Variants in RARB observed in about 807,000 individuals in gnomAD.
RARB encodes the protein HBV-activated protein.
Under a neutral mutation model 51.9 loss-of-function variants are expected in RARB, and 17 were observed. The ratio of observed to expected loss-of-function variants is 0.33; its 90% CI spans 0.22 to 0.49. The LOEUF (loss-of-function observed/expected upper bound fraction) is 0.49. Ranked by LOEUF, RARB falls within the 20% of genes least tolerant of loss-of-function variation. The pLI is 0.99. For missense variants in RARB, 369 were observed against 550.8 expected, an observed-to-expected ratio of 0.67 and a Z score of 3.30; for synonymous variants, 215 against 195.4, an observed-to-expected ratio of 1.10 and a Z score of -0.84.
intron 5 of RARB, among the ~76,000 whole-genome samples, chr3:25,263,500 C>A (rs2125407847): frequency 6.6e-6 from 1 of 152,222 alleles, no homozygotes; most frequent in East Asian, 1.9e-4. Context: ...TTGTTTATTT[C>A]TCATGAAACT....
intron 3 of RARB, among the ~76,000 whole-genome samples, chr3:25,099,163 T>A (rs1699353492): frequency 6.6e-6 from 1 of 152,116 alleles, no homozygotes; most frequent in Admixed American, 6.6e-5. Flanking sequence ...ACAGAACAGG[T>A]AGGCACTCCC....
intron 3 of RARB, among the ~76,000 whole-genome samples, chr3:25,543,365 C>G (rs949223672): frequency 4.6e-5 from 7 of 152,136 alleles, no homozygotes; most frequent in South Asian, 2.1e-4. Flanking sequence ...CTCGCTCCCC[C>G]CAACCAGTTC....
At chr3:24,938,245 TG>T (rs762045358) in intron 2 of RARB, among the ~76,000 whole-genome samples, 3 of 152,206 alleles carry the variant, frequency 2.0e-5, no homozygotes, top group Non-Finnish European at 4.4e-5. Flanking sequence ...AATTGAACAC[TG>T]GCAATTTTCT....
chr3:25,134,768 A>G lies in RARB; in HGVS notation c.-280+2560A>G, dbSNP rs144094145. On this transcript the variant is annotated intron_variant, in intron 4 of 11. Coordinates refer to the RARB transcript ENST00000383772. ...CAGGGTTTATGCTCTTTTCTCAGTT[A>G]CCATGTTCATTATGGAAGAATGAGA... 3.2e-3 allele frequency among the ~76,000 whole-genome samples: 493 copies of G among 152,130 alleles called. 4 individuals are homozygous for G. The highest frequency in any genetic ancestry group is 0.011 in the African/African-American group (463 of 41,540).
intron 3 of RARB, among the ~76,000 whole-genome samples, chr3:25,556,080 C>G (rs950310086): frequency 6.6e-6 from 1 of 151,914 alleles, no homozygotes; most frequent in Admixed American, 6.6e-5. Context: ...ATTAGACATC[C>G]AAGACTGTGG....
intron 5 of RARB, among the ~76,000 whole-genome samples, chr3:25,332,652 C>T (rs1176061251): frequency 1.3e-5 from 2 of 152,166 alleles, no homozygotes; most frequent in Non-Finnish European, 2.9e-5. Context: ...TCCTATTCAG[C>T]ATAGTGCTGG....
At chr3:24,952,639 A>C (rs1307438915) in intron 2 of RARB, among the ~76,000 whole-genome samples, 1 of 152,134 alleles carries the variant, frequency 6.6e-6, no homozygotes, top group Non-Finnish European at 1.5e-5. Flanking sequence ...GGTGCTCAGT[A>C]AACATTCATT....
At chr3:25,329,906 AG>A (rs1400673695) in intron 5 of RARB, among the ~76,000 whole-genome samples, 1 of 152,240 alleles carries the variant, frequency 6.6e-6, no homozygotes, top group Non-Finnish European at 1.5e-5. Context: ...AGTGGAAGAA[AG>A]GGTATCAGTG....
chr3:25,182,851 C>T (rs984184779), intron 5 of RARB, among the ~76,000 whole-genome samples: 1 of 152,088 alleles, frequency 6.6e-6, no homozygotes, highest in East Asian at 1.9e-4. Context: ...AGCCCTAATC[C>T]AGTATGACTA....
At chr3:25,232,382 T>G (rs1702199314) in intron 5 of RARB, among the ~76,000 whole-genome samples, 2 of 152,148 alleles carry the variant, frequency 1.3e-5, no homozygotes, top group Non-Finnish European at 2.9e-5. Flanking sequence ...GTCATTGCAT[T>G]GAATCTATAG....
At chr3:25,145,233 C>T (rs1476288229) in intron 4 of RARB, among the ~76,000 whole-genome samples, 1 of 152,202 alleles carries the variant, frequency 6.6e-6, no homozygotes, top group Non-Finnish European at 1.5e-5. Flanking sequence ...GTTGCATGCT[C>T]TTCTCTTCCA....
intron 4 of RARB, among the ~76,000 whole-genome samples, chr3:25,137,661 T>C (rs1700052048): frequency 6.6e-6 from 1 of 152,118 alleles, no homozygotes; most frequent in African/African-American, 2.4e-5. Flanking sequence ...AATATCTTAG[T>C]GGAAGATTTA....
intron 2 of RARB, among the ~76,000 whole-genome samples, chr3:25,498,813 C>A (rs1328064343): frequency 2.0e-5 from 3 of 152,114 alleles, no homozygotes; most frequent in Admixed American, 6.5e-5. Context: ...GGCAGAAGAG[C>A]GATGGAGGTT....
chr3:24,948,997 G>T (rs1219091310), intron 2 of RARB, among the ~76,000 whole-genome samples: 1 of 152,138 alleles, frequency 6.6e-6, no homozygotes, highest in East Asian at 1.9e-4. Flanking sequence ...GAAATGAACT[G>T]CTGTAATGAA....
chr3:25,161,470 G>T (rs1260565272), intron 4 of RARB, among the ~76,000 whole-genome samples: 5 of 152,088 alleles, frequency 3.3e-5, no homozygotes, highest in Non-Finnish European at 7.4e-5. Context: ...ACCATTGCTG[G>T]CTCTGTTTCA....
At chr3:25,223,991 G>A (rs1559512212) in intron 5 of RARB, among the ~76,000 whole-genome samples, 3 of 152,082 alleles carry the variant, frequency 2.0e-5, no homozygotes, top group Admixed American at 6.6e-5. Context: ...CAGTTCCAAG[G>A]GTTTTTCTAA....
chr3:24,841,361 C>T (rs1357904845), intron 1 of RARB, among the ~76,000 whole-genome samples: 1 of 152,140 alleles, frequency 6.6e-6, no homozygotes, highest in Non-Finnish European at 1.5e-5. Flanking sequence ...AGCCCATGAC[C>T]ATGTGCTTGT....
At chr3:24,922,016 C>G (rs1413145531) in intron 2 of RARB, among the ~76,000 whole-genome samples, 1 of 152,188 alleles carries the variant, frequency 6.6e-6, no homozygotes, top group African/African-American at 2.4e-5. Flanking sequence ...AGTAGAGTCT[C>G]TAGGTCTGCA....
chr3:25,452,355 G>A (rs1489329439), intron 1 of RARB, among the ~76,000 whole-genome samples: 4 of 152,156 alleles, frequency 2.6e-5, no homozygotes, highest in African/African-American at 4.8e-5. Flanking sequence ...AGCACTTCCC[G>A]TGGTAAAAGC....
Sources: gnomAD v4.1 joint callset for allele counts (sites outside exome capture counted in the v4.1 genomes callset) on GRCh38, gnomAD v4.1.1 for gene constraint, MANE v1.5 for transcripts, NCBI Gene and HGNC (gene_info 2026-07-23, HGNC 2026-07-21) for gene names.